The following GREB1L variants were observed in gnomAD, a reference collection of about 807,000 sequenced individuals.
The protein encoded by GREB1L is GREB1-like protein.
A neutral mutation model predicts 200.8 loss-of-function variants in GREB1L; 17 were observed. The observed-to-expected ratio is 0.08, with a 90% confidence interval of 0.06 to 0.13. GREB1L has a LOEUF of 0.13. Among genes scored for constraint, GREB1L ranks in the 10% least tolerant of loss-of-function variants. The pLI, the probability that GREB1L is intolerant of heterozygous loss-of-function variation, is 1.00. For synonymous variants in GREB1L, 789 were observed against 893.0 expected, an observed-to-expected ratio of 0.88 and a Z score of 2.08; for missense variants, 1,657 against 2,367.7, an observed-to-expected ratio of 0.70 and a Z score of 6.23.
intron 15 of GREB1L, chr18:21,468,766 C>G (rs747178743): frequency 4.4e-6 from 2 of 456,508 alleles, no homozygotes; most frequent in African/African-American, 4.0e-5. Context: ...GTTATGTCCT[C>G]TTCATCTCCT....
At chr18:21,347,318 A>G (rs180948293) in intron 1 of GREB1L, among the ~76,000 whole-genome samples, 3 of 151,482 alleles carry the variant, frequency 2.0e-5, no homozygotes, top group Admixed American at 2.0e-4. Context: ...ACCAACAACA[A>G]CTGTAACTGT....
chr18:21,489,408 T>C (rs1258297370), intron 18 of GREB1L, among the ~76,000 whole-genome samples: 4 of 152,220 alleles, frequency 2.6e-5, no homozygotes, highest in Non-Finnish European at 4.4e-5. Context: ...GAGGCTGACC[T>C]CAGATTAGTA....
chr18:21,444,911 C>T (rs551777972), intron 11 of GREB1L, among the ~76,000 whole-genome samples: 42 of 152,278 alleles, frequency 2.8e-4, no homozygotes, highest in African/African-American at 4.6e-4. Context: ...GGAGTCCCAT[C>T]GTGCTTTCCA....
rs146055621 is a variant in GREB1L at position 21,325,412 on chromosome 18, T to G, written c.-119-40615T>G. Among the ~76,000 whole-genome samples, 262 of 152,316 alleles carry G rather than the reference T, an allele frequency of 1.7e-3. 2 individuals carry two copies. The highest frequency in any genetic ancestry group is 6.1e-3 in the African/African-American group (253 of 41,570). On this transcript the variant is annotated intron_variant, in intron 1 of 32. Transcript: ENST00000424526. ...TGCTCGAATCCAACAGAAATTGAAC[T>G]GAATGAAATAATGGCCACACTGCTC...
At position 21,401,161 on chromosome 18, in the gene GREB1L, A is replaced by C; in HGVS notation, c.544A>C (p.Asn182His). Residue 182 changes from asparagine (N) to histidine (H), a missense_variant, in exon 6 of 33, where the codon AAT (asparagine) becomes CAT (histidine). By Grantham distance (68) the Asn-to-His change is moderately conservative (BLOSUM62 1). Coordinates refer to ENST00000424526, the MANE Select transcript of GREB1L (RefSeq NM_001142966.3). ...TTTCCTGACTTCAGGGTTTTCTGGA[A>C]ATTGTATCGGCTGTGGAGAAAGAGG... ...GKNALLGFSGNCIGCGERGFR... is the reference protein window; with the variant it reads ...GKNALLGFSGHCIGCGERGFR... The C allele has an allele frequency of 6.4e-7, 1 of 1,551,554 alleles. No individual in the cohort carries two copies. Among genetic ancestry groups the C allele is most frequent in the South Asian group, 1.2e-5 (1 of 84,060 alleles).
chr18:21,497,664 G>A (rs2036598691), intron 21 of GREB1L, among the ~76,000 whole-genome samples: 1 of 150,018 alleles, frequency 6.7e-6, no homozygotes, highest in East Asian at 1.9e-4. Context: ...GAAAGAAAGA[G>A]AGAGGGAAAA....
chr18:21,479,881 A>G (rs1325915485), intron 17 of GREB1L, among the ~76,000 whole-genome samples: 2 of 152,086 alleles, frequency 1.3e-5, no homozygotes, highest in African/African-American at 4.8e-5. Context: ...GCAGAGCTAC[A>G]TGCACATACC....
chr18:21,426,979 A>AAC (rs1472300079), intron 7 of GREB1L, among the ~76,000 whole-genome samples: 3 of 80,130 alleles, frequency 3.7e-5, no homozygotes, highest in African/African-American at 3.0e-4. Flanking sequence ...AAAACAAAAA[A>AAC]AAAAAAAACA....
At chr18:21,372,557 G>A (rs2039919034) in intron 2 of GREB1L, among the ~76,000 whole-genome samples, 1 of 152,116 alleles carries the variant, frequency 6.6e-6, no homozygotes, top group African/African-American at 2.4e-5. Flanking sequence ...GTGTGGCTCA[G>A]AACAATTCTT....
chr18:21,464,542 CAAAA>C (rs11477392), intron 15 of GREB1L, among the ~76,000 whole-genome samples: 3 of 66,430 alleles, frequency 4.5e-5, no homozygotes, highest in African/African-American at 4.9e-5. Context: ...GACACCATCT[CAAAA>C]AAAAAAAAAA....
At chr18:21,364,292 A>T (rs2039625390) in intron 1 of GREB1L, among the ~76,000 whole-genome samples, 1 of 152,160 alleles carries the variant, frequency 6.6e-6, no homozygotes, top group Non-Finnish European at 1.5e-5. Context: ...GGTCAAAAAA[A>T]GAAATATAAT....
At chr18:21,409,362 TGGAGCAG>T (rs1049508178) in intron 7 of GREB1L, among the ~76,000 whole-genome samples, 1 of 152,206 alleles carries the variant, frequency 6.6e-6, no homozygotes, top group Non-Finnish European at 1.5e-5. Context: ...AGTGCTTGCC[TGGAGCAG>T]GGAGTGGGAA....
chr18:21,394,126 C>T (rs2040943439), intron 4 of GREB1L, among the ~76,000 whole-genome samples: 1 of 152,202 alleles, frequency 6.6e-6, no homozygotes, highest in South Asian at 2.1e-4. Context: ...GAGCCATGCT[C>T]TCCTTGGCTC....
intron 1 of GREB1L, among the ~76,000 whole-genome samples, chr18:21,285,367 C>G (rs2038338656): frequency 6.6e-6 from 1 of 152,116 alleles, no homozygotes; most frequent in Admixed American, 6.6e-5. Context: ...GGAAAATATC[C>G]TTTTTGCCAC....
intron 7 of GREB1L, among the ~76,000 whole-genome samples, chr18:21,410,513 G>T (rs1361599929): frequency 2.0e-5 from 3 of 151,768 alleles, no homozygotes; most frequent in African/African-American, 7.3e-5. Flanking sequence ...AAATTAACTA[G>T]GTGTGGTGGC....
chr18:21,279,282 TTCTC>T (rs1381755133), intron 1 of GREB1L, among the ~76,000 whole-genome samples: 18 of 152,216 alleles, frequency 1.2e-4, no homozygotes, highest in African/African-American at 4.3e-4. Context: ...AAGTTAGTAT[TTCTC>T]TCATGAATAT....
At chr18:21,393,720 C>A (rs776135330) in intron 4 of GREB1L, among the ~76,000 whole-genome samples, 1 of 152,122 alleles carries the variant, frequency 6.6e-6, no homozygotes, top group East Asian at 1.9e-4. Context: ...CGGGTCACCG[C>A]GCCCGGCCTT....
chr18:21,416,560 C>T (rs764158284), intron 7 of GREB1L, among the ~76,000 whole-genome samples: 64 of 151,994 alleles, frequency 4.2e-4, no homozygotes, highest in Non-Finnish European at 8.1e-4. Flanking sequence ...GGCGTGGTGG[C>T]GGGCACCTGT....
At chr18:21,391,756 G>A (rs1008940654) in intron 4 of GREB1L, among the ~76,000 whole-genome samples, 6 of 152,222 alleles carry the variant, frequency 3.9e-5, no homozygotes, top group African/African-American at 1.4e-4. Context: ...TACATGGCAT[G>A]TGATAAGGAC....
Sources: allele counts gnomAD v4.1 joint callset (sites outside exome capture counted in the v4.1 genomes callset), GRCh38; gene constraint gnomAD v4.1.1; transcripts MANE v1.5; gene names NCBI Gene and HGNC (gene_info 2026-07-23, HGNC 2026-07-21).